The following HDAC4 variants were observed in gnomAD, a reference collection of about 807,000 sequenced individuals.
HDAC4 encodes the protein histone deacetylase 4.
HDAC4 carries 16 observed loss-of-function variants against 135.1 expected under a neutral mutation model. The observed-to-expected ratio is 0.12, with a 90% CI of 0.08 to 0.18. The LOEUF (loss-of-function observed/expected upper bound fraction) is 0.18. HDAC4 is among the 10% of genes least tolerant of loss of function. The pLI is 1.00. For synonymous variants in HDAC4, 685 were observed against 653.4 expected (o/e 1.05, Z -0.74); for missense variants, 1,143 against 1,511.8 (o/e 0.76, Z 4.05).
chr2:239,125,858 A>G (rs1288042516), intron 12 of HDAC4, among the ~76,000 whole-genome samples: 1 of 152,212 alleles, frequency 6.6e-6, no homozygotes, highest in Non-Finnish European at 1.5e-5. Context: ...GCCGGGGCCC[A>G]GAACCAGCTC....
At position 239,066,851 on chromosome 2, in the gene HDAC4, G is replaced by A. The variant is rs973414279; in HGVS notation, c.2874C>T (p.Phe958=). 1.1e-5 allele frequency: 18 copies of A among 1,613,000 alleles called. No homozygotes were observed. In the African/African-American group the frequency reaches 1.5e-4, roughly 13 times the overall value. ...LGGYNLSARC[F]GYLTKQLMGL... ...CCATCAGCTGCTTCGTCAGGTACCC[G>A]AAGCCTGCAACGGGAAACGGGAGAC... The change falls in exon 24 of 27, where the codon TTC becomes TTT. Residue 958 remains phenylalanine, a synonymous_variant. Coordinates refer to ENST00000543185, the MANE Select transcript of HDAC4 (RefSeq NM_001378414.1).
chr2:239,259,446 AAACAAAACAAC>A (rs537969914), intron 2 of HDAC4, among the ~76,000 whole-genome samples: 268 of 152,356 alleles, frequency 1.8e-3, no homozygotes, highest in African/African-American at 5.5e-3. Context: ...CCCGTCTCAA[AAACAAAACAAC>A]AACAAAACAA....
Position 239,313,955 on chromosome 2 carries a change from G to C in HDAC4, c.22+38723C>G, listed in dbSNP as rs2053006437. ...GGAGGGGCTGTAGTTCCCTTGGCAG[G>C]GGAAGCCAGAAGACAGGCCTGCAAG... On this transcript the variant is annotated intron_variant, in intron 2 of 26. Coordinates refer to ENST00000543185, the MANE Select transcript of HDAC4 (RefSeq NM_001378414.1). This position sits in a 1 kb window ranked among gnomAD's most constrained non-coding sequence, Gnocchi z 5.1. Among the ~76,000 whole-genome samples, 2 of 152,162 alleles carry C rather than the reference G, an allele frequency of 1.3e-5. No homozygotes were observed.
At chr2:239,137,782 C>T (rs765269517) in intron 9 of HDAC4, among the ~76,000 whole-genome samples, 4 of 152,214 alleles carry the variant, frequency 2.6e-5, no homozygotes, top group African/African-American at 7.2e-5. Flanking sequence ...CCAGAAAGGG[C>T]GCCTGGGTGT....
chr2:239,331,033 T>C lies in HDAC4; in HGVS notation c.22+21645A>G, dbSNP rs544869211. Among the ~76,000 whole-genome samples, 1 of 152,048 alleles carries C rather than the reference T, an allele frequency of 6.6e-6. No homozygotes were observed. The highest frequency in any genetic ancestry group is 1.9e-4 in the East Asian group (1 of 5,174). On this transcript the variant is annotated intron_variant, in intron 2 of 26. Transcript: ENST00000543185. This position sits in a 1 kb window ranked among gnomAD's most constrained non-coding sequence, Gnocchi z 4.5. The stretch of plus-strand genomic sequence containing the variant: ...CATTCCCAACCTGCCTGACCTTGGC[T>C]GCCCGAAATTCGGAGTGGGGAGGAA...
chr2:239,317,525 C>A (rs1269702082), intron 2 of HDAC4, among the ~76,000 whole-genome samples: 1 of 152,072 alleles, frequency 6.6e-6, no homozygotes, highest in African/African-American at 2.4e-5. Context: ...GAGGGACCTG[C>A]CAGAAACGCC....
chr2:239,330,552 C>G (rs1415191743), intron 2 of HDAC4, among the ~76,000 whole-genome samples: 1 of 152,220 alleles, frequency 6.6e-6, no homozygotes, highest in Non-Finnish European at 1.5e-5. Flanking sequence ...CTGCCAGTGA[C>G]CGCGCACAGT....
At chr2:239,195,932 A>T (rs1430274677) in intron 3 of HDAC4, among the ~76,000 whole-genome samples, 1 of 152,230 alleles carries the variant, frequency 6.6e-6, no homozygotes, top group East Asian at 1.9e-4. Context: ...AAAGAAGCAT[A>T]CTGATTTTCC....
At chr2:239,192,121 T>TAA (rs2045010266) in intron 3 of HDAC4, among the ~76,000 whole-genome samples, 1 of 152,190 alleles carries the variant, frequency 6.6e-6, no homozygotes, top group Non-Finnish European at 1.5e-5. Flanking sequence ...TCTACGCACA[T>TAA]AAACTGCGTG....
intron 2 of HDAC4, among the ~76,000 whole-genome samples, chr2:239,254,220 C>T (rs1366440432): frequency 6.6e-6 from 1 of 151,998 alleles, no homozygotes; most frequent in Admixed American, 6.6e-5. Context: ...CCACAGCACA[C>T]AAAACACACA....
chr2:239,249,734 A>G (rs2048674632), intron 2 of HDAC4, among the ~76,000 whole-genome samples: 1 of 152,024 alleles, frequency 6.6e-6, no homozygotes, highest in South Asian at 2.1e-4. Context: ...GAGGGGCTCT[A>G]ATCTTCTAAA....
At chr2:239,158,327 C>T (rs919586038) in intron 6 of HDAC4, among the ~76,000 whole-genome samples, 2 of 152,114 alleles carry the variant, frequency 1.3e-5, no homozygotes, top group African/African-American at 4.8e-5. Flanking sequence ...ATGGGAAACA[C>T]GGAGTGACTT....
At chr2:239,224,765 A>C (rs2047149428) in intron 3 of HDAC4, among the ~76,000 whole-genome samples, 1 of 152,222 alleles carries the variant, frequency 6.6e-6, no homozygotes, top group East Asian at 1.9e-4. Flanking sequence ...TGAGTGAATG[A>C]ATGAATGAGT....
intron 24 of HDAC4, among the ~76,000 whole-genome samples, chr2:239,066,223 T>C (rs905035646): frequency 2.6e-5 from 4 of 151,882 alleles, no homozygotes; most frequent in African/African-American, 7.3e-5. Flanking sequence ...CCTCCGGCGG[T>C]GTTGGTAGGG....
At chr2:239,271,105 G>T (rs1363802023) in intron 2 of HDAC4, among the ~76,000 whole-genome samples, 3 of 152,128 alleles carry the variant, frequency 2.0e-5, no homozygotes, top group African/African-American at 7.2e-5. Context: ...AAAGGTTGGG[G>T]CTTAGTATGT....
intron 1 of HDAC4, among the ~76,000 whole-genome samples, chr2:239,364,514 C>T (rs1451272098): frequency 6.6e-6 from 1 of 152,130 alleles, no homozygotes; most frequent in Non-Finnish European, 1.5e-5. Flanking sequence ...GACAGGTTCC[C>T]CTGGGAGGGG....
rs78153527 is a variant in HDAC4, at chr2:239,349,486, G to C, written c.22+3192C>G. Reference sequence around the variant, plus strand: ...AGCAATGCCTGGGAGCGGACGGACAGGTGCATCAGCTGACAAGAAACACAG... The same window carrying C: ...AGCAATGCCTGGGAGCGGACGGACACGTGCATCAGCTGACAAGAAACACAG... On this transcript the variant is annotated intron_variant, in intron 2 of 26. Coordinates refer to ENST00000543185, the MANE Select transcript of HDAC4 (RefSeq NM_001378414.1). The surrounding 1 kb of genome is among the most constrained non-coding windows in gnomAD (Gnocchi z 5.7). Among the ~76,000 whole-genome samples the C allele has an allele frequency of 0.017, 2,626 of 152,340 alleles. 43 individuals carry two copies. The highest frequency in any genetic ancestry group is 0.092 in the East Asian group (479 of 5,188).
At chr2:239,250,990 C>T (rs1047149938) in intron 2 of HDAC4, among the ~76,000 whole-genome samples, 2 of 152,198 alleles carry the variant, frequency 1.3e-5, no homozygotes, top group African/African-American at 4.8e-5. Flanking sequence ...ATCAACTTAC[C>T]GGTGCAGCCA....
chr2:239,283,036 A>G (rs947382913), intron 2 of HDAC4, among the ~76,000 whole-genome samples: 15 of 151,908 alleles, frequency 9.9e-5, no homozygotes, highest in African/African-American at 3.1e-4. Flanking sequence ...ACACCACTCT[A>G]CAAACAATGT....
Sources: gnomAD v4.1 joint callset for allele counts (sites outside exome capture counted in the v4.1 genomes callset) on GRCh38, gnomAD v4.1.1 for gene constraint, Gnocchi (gnomAD v3.1) non-coding constraint, MANE v1.5 for transcripts, NCBI Gene and HGNC (gene_info 2026-07-23, HGNC 2026-07-21) for gene names.